The following SF3B3 variants were observed in gnomAD, a reference collection of about 807,000 sequenced individuals.
SF3B3 encodes SAP 130.
Under a neutral mutation model 139.2 loss-of-function variants are expected in SF3B3, and 33 were observed. The ratio of observed to expected loss-of-function variants is 0.24; its 90% CI spans 0.18 to 0.32. SF3B3 has a LOEUF of 0.32. SF3B3 is among the 10% of genes least tolerant of loss of function. The pLI, the probability that SF3B3 is intolerant of heterozygous loss-of-function variation, is 1.00. For synonymous variants in SF3B3, 596 were observed against 563.6 expected (o/e 1.06, Z -0.81); for missense variants, 818 against 1,509.4 (o/e 0.54, Z 7.59).
intron 1 of SF3B3, among the ~76,000 whole-genome samples, chr16:70,525,183 C>T (rs1369491292): frequency 1.3e-5 from 2 of 152,088 alleles, no homozygotes; most frequent in African/African-American, 4.8e-5. Flanking sequence ...GCGTGTGCCA[C>T]CGCGCCCGGC....
Position 70,554,687 on chromosome 16 carries a change from C to A in SF3B3, c.1554+90C>A, listed in dbSNP as rs1191776082. The A allele has an allele frequency of 6.8e-6, 9 of 1,316,576 alleles. No individual in the cohort carries two copies. In the East Asian group the frequency reaches 1.6e-4, roughly 24 times the overall value. 81.6% of individuals were successfully genotyped at this position (1,316,576 alleles called of 1,614,324 possible). A position where few individuals can be genotyped will look rare whatever the true frequency, so the allele number is the denominator to read the frequency against. On this transcript the variant is annotated intron_variant, in intron 12 of 25. Transcript: ENST00000302516. ...AGGCTGCTGTGTTCATGTCTCTTCA[C>A]CCTCACCTTCCAGCAAGCCTTAGGG... is the stretch of plus-strand genomic sequence containing the variant.
rs555987442 is a variant in SF3B3, at chr16:70,574,089, T to G, written c.*2276T>G. The G allele has an allele frequency of 6.6e-6, 1 of 152,322 alleles. No individual in the cohort carries two copies. The highest frequency in any genetic ancestry group is 2.4e-5 in the African/African-American group (1 of 41,580). The allele number at this position is 152,322 out of a possible 1,614,324, so 9.4% of individuals were successfully genotyped here. A position where few individuals can be genotyped will look rare whatever the true frequency, so the allele number is the denominator to read the frequency against. Reference sequence around the variant, plus strand: ...GTGTGCTGTTCCCACGCTGCTGCCTTTCTTGAGCTTGTTAGAGGAAAGCCA... The same window carrying G: ...GTGTGCTGTTCCCACGCTGCTGCCTGTCTTGAGCTTGTTAGAGGAAAGCCA... On this transcript the variant is annotated 3_prime_UTR_variant, in exon 26 of 26. Transcript: ENST00000302516.
intron 21 of SF3B3, 108 bp from the exon 22 acceptor site, chr16:70,568,175 A>G: frequency 1.2e-6 from 1 of 822,366 alleles, no homozygotes; most frequent in Non-Finnish European, 2.1e-6. Context: ...GGTTTTTGGT[A>G]TTTGCTGTTC....
At chr16:70,555,612 T>C (rs1169580357) in intron 13 of SF3B3, among the ~76,000 whole-genome samples, 1 of 152,060 alleles carries the variant, frequency 6.6e-6, no homozygotes, top group Non-Finnish European at 1.5e-5. Context: ...CTCTTAGCAG[T>C]GAAACACTTG....
Position 70,535,159 on chromosome 16 carries a change from T to A in SF3B3, c.713-149T>A, listed in dbSNP as rs955578960. ...AACTGTGCTTCATCCTTATCTACCA[T>A]GAACATAAGGGAGGAGAAACACATG... On this transcript the variant is annotated intron_variant, in intron 5 of 25. Coordinates refer to ENST00000302516, the MANE Select transcript of SF3B3 (RefSeq NM_012426.5). 5.7e-6 allele frequency: 3 copies of A among 526,096 alleles called. No homozygotes were observed. The African/African-American group carries it at 5.8e-5, about 10-fold the overall frequency. 32.6% of individuals were successfully genotyped at this position (526,096 alleles called of 1,614,324 possible). A position where few individuals can be genotyped will look rare whatever the true frequency, so the allele number is the denominator to read the frequency against.
chr16:70,548,339 T>C, intron 10 of SF3B3, 31 bp from the exon 11 acceptor site: 1 of 1,596,744 alleles, frequency 6.3e-7, no homozygotes, highest in Non-Finnish European at 8.6e-7. Context: ...GCATGCTCAC[T>C]GGATCTGTGG....
At chr16:70,541,879 A>C in intron 9 of SF3B3, 45 bp downstream of exon 9, 1 of 1,522,842 alleles carries the variant, frequency 6.6e-7, no homozygotes, top group Non-Finnish European at 9.0e-7. Context: ...TCTAAAGTTA[A>C]ACTGAGGTCT....
chr16:70,559,673 T>C (rs2050410365), intron 15 of SF3B3, among the ~76,000 whole-genome samples: 1 of 151,926 alleles, frequency 6.6e-6, no homozygotes, highest in Non-Finnish European at 1.5e-5. Context: ...GGTGACAGAG[T>C]GAGAACCTGT....
Position 70,571,204 on chromosome 16 carries a change from GT to G in SF3B3, c.3513+7del. 6.3e-7 allele frequency: 1 copy of G among 1,593,444 alleles called. No homozygotes were observed. Among genetic ancestry groups the G allele is most frequent in the Non-Finnish European group, 8.6e-7 (1 of 1,161,084 alleles). On this transcript the variant is annotated splice_donor_region_variant and intron_variant, in intron 25 of 25. Transcript: ENST00000302516. ...TCCTACTACTTCCCTGTGAAGGTAG[GT>G]TGGGGGAATCTGAGCTGAAAAGGGA...
chr16:70,549,968 ACT>A (rs1390737032), intron 11 of SF3B3, among the ~76,000 whole-genome samples: 2 of 152,240 alleles, frequency 1.3e-5, no homozygotes, highest in Non-Finnish European at 2.9e-5. Flanking sequence ...AGAAAAGTTA[ACT>A]CTCACTTTTA....
chr16:70,550,641 C>T, intron 11 of SF3B3: 1 of 985,708 alleles, frequency 1.0e-6, no homozygotes, highest in Non-Finnish European at 1.2e-6. Context: ...CTTTTTTTCT[C>T]TTCCACAGGT....
chr16:70,530,105 G>A lies in SF3B3; in HGVS notation c.398-640G>A, dbSNP rs866920890. 2.7e-4 allele frequency among the ~76,000 whole-genome samples: 40 copies of A among 149,584 alleles called. No individual in the cohort carries two copies. The Middle Eastern group carries it at 0.027, about 102-fold the overall frequency. ...AGCGCTACTGCACTCCAGCCCGGAC[G>A]ACAGAGTGAGACTGCATCTCAAAAA... On this transcript the variant is annotated intron_variant, in intron 3 of 25. Coordinates refer to ENST00000302516, the MANE Select transcript of SF3B3 (RefSeq NM_012426.5).
Position 70,573,835 on chromosome 16 carries a change from C to A in SF3B3, c.*2022C>A, listed in dbSNP as rs1382984849. On this transcript the variant is annotated 3_prime_UTR_variant, in exon 26 of 26. Coordinates refer to ENST00000302516, the MANE Select transcript of SF3B3 (RefSeq NM_012426.5). ...ATTGCTAAGCCCTTGTGACTTGGAT[C>A]CTAGGACTGAAAAGTTTTTAGCTGC... The A allele has an allele frequency of 6.6e-6, 1 of 152,194 alleles. No individual in the cohort carries two copies. The highest frequency in any genetic ancestry group is 1.5e-5 in the Non-Finnish European group (1 of 68,048). 9.4% of individuals were successfully genotyped at this position (152,194 alleles called of 1,614,324 possible).
chr16:70,563,788 C>G (rs1233024980), intron 17 of SF3B3, 88 bp from the exon 18 acceptor site: 1 of 1,234,176 alleles, frequency 8.1e-7, no homozygotes, highest in African/African-American at 1.5e-5. Flanking sequence ...CAGGGATTGA[C>G]GTGTTTGCTG....
intron 2 of SF3B3, chr16:70,527,112 G>A (rs1048749070): frequency 1.6e-5 from 3 of 183,964 alleles, no homozygotes; most frequent in African/African-American, 4.7e-5. Context: ...TTAAATAAAG[G>A]GAAGGTTGGA....
chr16:70,530,653 TA>T, intron 3 of SF3B3, 91 bp from the exon 4 acceptor site: 1 of 1,087,480 alleles, frequency 9.2e-7, no homozygotes, highest in Middle Eastern at 2.1e-4. Flanking sequence ...TAATAATGAT[TA>T]AAAGAAAAGC....
chr16:70,562,975 G>T (rs768966263), intron 17 of SF3B3, among the ~76,000 whole-genome samples: 3 of 152,006 alleles, frequency 2.0e-5, no homozygotes, highest in African/African-American at 7.2e-5. Flanking sequence ...GACTGTAGGC[G>T]CATGCCATCA....
chr16:70,555,151 G>A lies in SF3B3; in HGVS notation c.1655G>A (p.Arg552Gln). 1 of 1,614,088 alleles carries A rather than the reference G, an allele frequency of 6.2e-7. No homozygotes were observed. Among genetic ancestry groups the A allele is most frequent in the Non-Finnish European group, 8.5e-7 (1 of 1,179,964 alleles). ...KTIVKCAVNQ[R>Q]QVVIALTGGE... ...ATTGTGAAGTGTGCAGTGAACCAGC[G>A]ACAAGTGGTGATTGCCCTGACAGGA... Residue 552 changes from arginine to glutamine, a missense_variant, in exon 13 of 26, where the codon CGA becomes CAA. By Grantham distance (43) the Arg-to-Gln change is conservative (BLOSUM62 1). Around this residue, in one of 14 missense-constraint regions of SF3B3, gnomAD observed 170 missense variants for 353.0 expected, o/e 0.48. Transcript: ENST00000302516.
chr16:70,571,759 C>A lies in SF3B3; in HGVS notation c.3600C>A (p.Thr1200=). ...ACGTCTCTGAAGAACTGGACCGAAC[C>A]CCACCCGAAGTGTCCAAGAAACTCG... ...QKNVSEELDR[T]PPEVSKKLED... is the part of the protein sequence containing the mutation. The change falls in exon 26 of 26, where the codon ACC becomes ACA. Residue 1200 remains threonine, a synonymous_variant. Coordinates refer to ENST00000302516, the MANE Select transcript of SF3B3 (RefSeq NM_012426.5). The A allele has an allele frequency of 6.2e-7, 1 of 1,614,094 alleles. No homozygotes were observed. The highest frequency in any genetic ancestry group is 8.5e-7 in the Non-Finnish European group (1 of 1,180,012).
Sources: allele counts gnomAD v4.1 joint callset (sites outside exome capture counted in the v4.1 genomes callset), GRCh38; gene constraint gnomAD v4.1.1; regional missense constraint gnomAD v4.1.1; transcripts MANE v1.5; gene names NCBI Gene and HGNC (gene_info 2026-07-23, HGNC 2026-07-21).